The following SPIRE1 variants were observed in gnomAD, a reference collection of about 807,000 sequenced individuals.
SPIRE1 encodes the protein protein spire homolog 1.
A neutral mutation model predicts 94.1 loss-of-function variants in SPIRE1; 40 were observed. The observed-to-expected ratio is 0.43, with a 90% CI of 0.33 to 0.55. The LOEUF (loss-of-function observed/expected upper bound fraction) is 0.55. Among genes scored for constraint, SPIRE1 ranks in the 20% least tolerant of loss-of-function variants. SPIRE1 has a pLI of 0.06. For synonymous variants in SPIRE1, 376 were observed against 371.7 expected (o/e 1.01, Z -0.13); for missense variants, 838 against 975.2 (o/e 0.86, Z 1.87).
At chr18:12,552,906 A>G (rs756345789) in intron 2 of SPIRE1, among the ~76,000 whole-genome samples, 5 of 152,096 alleles carry the variant, frequency 3.3e-5, no homozygotes, top group Non-Finnish European at 5.9e-5. Context: ...CTGCTACAAG[A>G]ACACCAGGCA....
upstream of SPIRE1, chr18:12,661,330 A>G (rs1173941932): frequency 4.1e-6 from 4 of 981,704 alleles, no homozygotes; most frequent in East Asian, 3.4e-4. Context: ...AAAAAAATTG[A>G]TAAGCCTTAC....
Position 12,559,450 on chromosome 18 carries a change from G to A in SPIRE1, c.373-12546C>T, listed in dbSNP as rs2035622240. On this transcript the variant is annotated intron_variant, in intron 2 of 16. Coordinates refer to ENST00000409402, the MANE Select transcript of SPIRE1 (RefSeq NM_001128626.2). This position sits in a 1 kb window ranked among gnomAD's most constrained non-coding sequence, Gnocchi z 4.7. Reference sequence around the variant, plus strand: ...CCTGCGAACACCACGCGCAGCCCTGGTTGCCACCCGCGCCTCTCCCTCCAC... The same window carrying A: ...CCTGCGAACACCACGCGCAGCCCTGATTGCCACCCGCGCCTCTCCCTCCAC... 6.6e-6 allele frequency among the ~76,000 whole-genome samples: 1 copy of A among 152,138 alleles called. No individual in the cohort carries two copies.
At chr18:12,560,970 C>G (rs1284069163) in intron 2 of SPIRE1, among the ~76,000 whole-genome samples, 1 of 152,082 alleles carries the variant, frequency 6.6e-6, no homozygotes, top group Non-Finnish European at 1.5e-5. Flanking sequence ...TAAAAATAAG[C>G]AAAAGAATAT....
At chr18:12,495,585 G>T (rs145544424) in intron 7 of SPIRE1, among the ~76,000 whole-genome samples, 3 of 152,156 alleles carry the variant, frequency 2.0e-5, no homozygotes, top group Non-Finnish European at 4.4e-5. Flanking sequence ...ATTTTTCAGT[G>T]ACTTAAGAAT....
At chr18:12,587,736 A>T (rs2036426697) in intron 2 of SPIRE1, among the ~76,000 whole-genome samples, 2 of 152,188 alleles carry the variant, frequency 1.3e-5, no homozygotes, top group South Asian at 4.2e-4. Flanking sequence ...ATTAGAGAGA[A>T]CAGAGCTCAA....
chr18:12,543,522 C>G (rs2035068782), intron 3 of SPIRE1, among the ~76,000 whole-genome samples: 1 of 152,218 alleles, frequency 6.6e-6, no homozygotes. Context: ...CCCTGACTTA[C>G]TTTGTGAAAC....
At chr18:12,616,952 G>A (rs553137497) in intron 2 of SPIRE1, among the ~76,000 whole-genome samples, 14 of 139,832 alleles carry the variant, frequency 1.0e-4, no homozygotes, top group Admixed American at 8.1e-4. Context: ...CTCCACCCCC[G>A]GGGTTCAAGC....
rs371514027 is a variant in SPIRE1 at position 12,655,964 on chromosome 18, T to G, written c.337+1566A>C. Among the ~76,000 whole-genome samples the G allele has an allele frequency of 2.6e-5, 4 of 152,104 alleles. No homozygotes were observed. The South Asian group carries it at 6.2e-4, about 24-fold the overall frequency. On this transcript the variant is annotated intron_variant, in intron 1 of 16. Coordinates refer to ENST00000409402, the MANE Select transcript of SPIRE1 (RefSeq NM_001128626.2). ...CCCAGGCTGGAGTGCAGTGGCGCGA[T>G]CTCAGCTCACTACAGCCTCCACCTC... is the stretch of plus-strand genomic sequence containing the variant.
chr18:12,468,650 C>T (rs1323253411), intron 10 of SPIRE1, among the ~76,000 whole-genome samples: 2 of 152,176 alleles, frequency 1.3e-5, no homozygotes, highest in Non-Finnish European at 2.9e-5. Flanking sequence ...TCTAATCAGT[C>T]AGAAGAACCT....
At position 12,549,071 on chromosome 18, in the gene SPIRE1, G is replaced by A. The variant is rs1194510399; in HGVS notation, c.373-2167C>T. On this transcript the variant is annotated intron_variant, in intron 2 of 16. Coordinates refer to ENST00000409402, the MANE Select transcript of SPIRE1 (RefSeq NM_001128626.2). ...CATTTCAGTGCTTCCCTGGCACAGG[G>A]TACACATTGCTCTCACAGCATGTAC... 5.3e-5 allele frequency among the ~76,000 whole-genome samples: 8 copies of A among 152,246 alleles called. No individual in the cohort carries two copies. In the East Asian group the frequency reaches 1.4e-3, roughly 26 times the overall value.
intron 16 of SPIRE1, chr18:12,450,643 G>A (rs191428100): frequency 3.4e-6 from 2 of 593,410 alleles, no homozygotes; most frequent in Non-Finnish European, 6.1e-6. Flanking sequence ...TGGCAAAGGT[G>A]GATAAAGTAC....
chr18:12,480,320 A>G (rs1348255603), intron 9 of SPIRE1, among the ~76,000 whole-genome samples: 1 of 152,248 alleles, frequency 6.6e-6, no homozygotes. Flanking sequence ...TCATATAAAC[A>G]TATTTAATGT....
At chr18:12,565,530 A>G (rs2035795133) in intron 2 of SPIRE1, among the ~76,000 whole-genome samples, 2 of 151,876 alleles carry the variant, frequency 1.3e-5, no homozygotes, top group African/African-American at 4.8e-5. Flanking sequence ...GCACACCACC[A>G]TGCCTGGCTA....
chr18:12,613,630 T>C (rs1180489904), intron 2 of SPIRE1, among the ~76,000 whole-genome samples: 1 of 152,216 alleles, frequency 6.6e-6, no homozygotes, highest in Non-Finnish European at 1.5e-5. Flanking sequence ...CCGGGCACGG[T>C]GGCTCACACC....
intron 2 of SPIRE1, among the ~76,000 whole-genome samples, chr18:12,552,019 T>C (rs537968329): frequency 6.6e-6 from 1 of 152,316 alleles, no homozygotes; most frequent in Admixed American, 6.5e-5. Flanking sequence ...CCGAATTCAG[T>C]GCTGTCCTGT....
In SPIRE1 at chr18:12,657,676, T is replaced by C. The variant is rs1598595472; in HGVS notation, c.191A>G (p.Gln64Arg). Reference sequence around the variant, plus strand: ...GGCGGCGCGCAGGGAACCGCAGCACTGGTAGCACACGGCCCACGCCTGCTC... The same window carrying C: ...GGCGGCGCGCAGGGAACCGCAGCACCGGTAGCACACGGCCCACGCCTGCTC... ...NEEQAWAVCY[Q>R]CCGSLRAAAR... Residue 64 changes from glutamine (Q) to arginine (R), a missense_variant, in exon 1 of 17, where the codon CAG (glutamine) becomes CGG (arginine). Coordinates refer to ENST00000409402, the MANE Select transcript of SPIRE1 (RefSeq NM_001128626.2). 1.5e-6 allele frequency: 2 copies of C among 1,363,200 alleles called. No homozygotes were observed. The allele number at this position is 1,363,200 out of a possible 1,614,324, so 84.4% of individuals were successfully genotyped here.
intron 12 of SPIRE1, among the ~76,000 whole-genome samples, chr18:12,454,938 CTT>C (rs566657323): frequency 1.4e-5 from 2 of 144,318 alleles, no homozygotes; most frequent in Admixed American, 6.9e-5. Flanking sequence ...TACAGTGGTC[CTT>C]TTTTTTTTTT....
intron 2 of SPIRE1, among the ~76,000 whole-genome samples, chr18:12,556,518 G>A (rs2144356006): frequency 6.6e-6 from 1 of 152,322 alleles, no homozygotes; most frequent in Non-Finnish European, 1.5e-5. Flanking sequence ...CTTAAAGATG[G>A]TGTGTCCGGA....
At chr18:12,566,814 T>C (rs1817605409) in intron 2 of SPIRE1, among the ~76,000 whole-genome samples, 2 of 152,028 alleles carry the variant, frequency 1.3e-5, no homozygotes, top group South Asian at 2.1e-4. Flanking sequence ...CCTCAGAATA[T>C]ACAAGCAGAA....
Sources: allele counts gnomAD v4.1 joint callset (sites outside exome capture counted in the v4.1 genomes callset), GRCh38; gene constraint gnomAD v4.1.1; non-coding constraint Gnocchi (gnomAD v3.1); transcripts MANE v1.5; gene names NCBI Gene and HGNC (gene_info 2026-07-23, HGNC 2026-07-21).